The following CTNNAL1 variants were observed in gnomAD, a reference collection of about 807,000 sequenced individuals.
The protein encoded by CTNNAL1 is catenin alpha like 1.
Under a neutral mutation model 93.6 loss-of-function variants are expected in CTNNAL1, and 69 were observed. The ratio of observed to expected loss-of-function variants is 0.74; its 90% CI spans 0.61 to 0.90. The LOEUF is 0.90. Ranked by LOEUF, CTNNAL1 falls within the 40% of genes least tolerant of loss-of-function variation. The pLI, the probability that CTNNAL1 is intolerant of heterozygous loss-of-function variation, is 0.00. For missense variants in CTNNAL1, 836 were observed against 862.0 expected (o/e 0.97, Z 0.38); for synonymous variants, 286 against 305.4 (o/e 0.94, Z 0.66).
chr9:108,976,364 T>G (rs1182620588), intron 8 of CTNNAL1, among the ~76,000 whole-genome samples: 2 of 152,186 alleles, frequency 1.3e-5, no homozygotes. Flanking sequence ...GAATAGTATT[T>G]GGTAGAATTA....
chr9:109,000,443 A>G (rs1826761764), intron 1 of CTNNAL1, among the ~76,000 whole-genome samples: 1 of 152,216 alleles, frequency 6.6e-6, no homozygotes, highest in Admixed American at 6.5e-5. Flanking sequence ...CCACGTTCCC[A>G]TGGGGCTTAC....
chr9:108,999,687 G>A (rs1218241442), intron 1 of CTNNAL1, among the ~76,000 whole-genome samples: 3 of 152,164 alleles, frequency 2.0e-5, no homozygotes, highest in African/African-American at 7.2e-5. Context: ...CTACCATGGA[G>A]CACAGGCTGT....
At chr9:108,990,507 G>A (rs1831758317) in intron 4 of CTNNAL1, among the ~76,000 whole-genome samples, 1 of 152,174 alleles carries the variant, frequency 6.6e-6, no homozygotes, top group African/African-American at 2.4e-5. Flanking sequence ...ACCTTTCCCA[G>A]TGTGTGAGGT....
At chr9:109,011,700 C>T (rs1168102730) in intron 1 of CTNNAL1, among the ~76,000 whole-genome samples, 1 of 152,208 alleles carries the variant, frequency 6.6e-6, no homozygotes, top group Non-Finnish European at 1.5e-5. Flanking sequence ...ATTCAAATCC[C>T]AGTTTGGCAC....
chr9:108,976,858 T>C lies in CTNNAL1; in HGVS notation c.1188+104A>G. 7 of 486,334 alleles carry C rather than the reference T, an allele frequency of 1.4e-5. No homozygotes were observed. In the Admixed American group the frequency reaches 2.6e-4, roughly 18 times the overall value. The allele number at this position is 486,334 out of a possible 1,614,324, so 30.1% of individuals were successfully genotyped here. A position where few individuals can be genotyped will look rare whatever the true frequency, so the allele number is the denominator to read the frequency against. On this transcript the variant is annotated intron_variant, in intron 8 of 18. Transcript: ENST00000325551. The stretch of plus-strand genomic sequence containing the variant: ...TCAAAGGAAAACTTTTAAAACCATT[T>C]TCTAGGCACAGAGACATACTAATAA...
Position 108,972,704 on chromosome 9 carries a change from G to A in CTNNAL1, c.1318C>T (p.Leu440Phe), listed in dbSNP as rs774331268. Reference protein sequence around the residue: ...LEALAEYACKLSEQKEQLVET... With the variant: ...LEALAEYACKFSEQKEQLVET... ...ACAAGCTGCTCTTTCTGTTCAGAGA[G>A]TTTACAGGCATATTCAGCCAAAGCT... Residue 440 changes from leucine to phenylalanine, a missense_variant, in exon 9 of 19, where the codon CTC becomes TTC. Coordinates refer to ENST00000325551, the MANE Select transcript of CTNNAL1 (RefSeq NM_003798.4). 1.9e-6 allele frequency: 3 copies of A among 1,613,722 alleles called. No individual in the cohort carries two copies. The highest frequency in any genetic ancestry group is 1.7e-6 in the Non-Finnish European group (2 of 1,179,960).
intron 2 of CTNNAL1, among the ~76,000 whole-genome samples, chr9:108,993,659 G>A (rs566070095): frequency 1.3e-5 from 2 of 152,262 alleles, no homozygotes; most frequent in South Asian, 4.1e-4. Flanking sequence ...AAGTATTCTT[G>A]TATTATAATA....
At chr9:108,995,762 T>C (rs1831993247) in intron 2 of CTNNAL1, among the ~76,000 whole-genome samples, 1 of 152,170 alleles carries the variant, frequency 6.6e-6, no homozygotes, top group Admixed American at 6.5e-5. Context: ...ATTATAATAA[T>C]AACAACTAAT....
At chr9:109,009,112 T>C (rs1347003071) in intron 1 of CTNNAL1, among the ~76,000 whole-genome samples, 1 of 151,946 alleles carries the variant, frequency 6.6e-6, no homozygotes, top group Non-Finnish European at 1.5e-5. Context: ...CCCAGGCTGG[T>C]CTCAAAATCC....
In CTNNAL1 at chr9:108,983,271, T is replaced by C; in HGVS notation, c.774A>G (p.Lys258=). The C allele has an allele frequency of 6.3e-7, 1 of 1,579,988 alleles. No homozygotes were observed. The highest frequency in any genetic ancestry group is 2.3e-5 in the East Asian group (1 of 42,732). The change falls in exon 6 of 19, where the codon AAA becomes AAG. Residue 258 remains lysine (K), a synonymous_variant. Transcript: ENST00000325551. ...CTTTCATACGGTCAAATACTCCTTC[T>C]TTGTTTTTATGGGCTGATTCGCAGT... ...HPNCESAHKN[K]EGVFDRMKVA...
intron 1 of CTNNAL1, among the ~76,000 whole-genome samples, chr9:109,006,708 A>C (rs1429986039): frequency 6.6e-6 from 1 of 152,142 alleles, no homozygotes; most frequent in African/African-American, 2.4e-5. Context: ...GTACTAAAGA[A>C]CTCTGCTGTG....
chr9:108,972,864 G>GGGGGGGGCCCCT, intron 8 of CTNNAL1, 31 bp from the exon 9 acceptor site: 2 of 142,590 alleles, frequency 1.4e-5, no homozygotes, highest in Non-Finnish European at 2.0e-5. Context: ...GGGGGGGTGG[G>GGGGGGGGCCCCT]AGGGTGGAGA....
intron 1 of CTNNAL1, 118 bp downstream of exon 1, chr9:109,013,184 G>C: frequency 7.9e-7 from 1 of 1,258,466 alleles, no homozygotes; most frequent in Non-Finnish European, 1.0e-6. Context: ...CAAGAACGCC[G>C]CAGTGCCGGC....
chr9:109,002,716 C>T (rs1325631900), intron 1 of CTNNAL1, among the ~76,000 whole-genome samples: 1 of 152,008 alleles, frequency 6.6e-6, no homozygotes, highest in African/African-American at 2.4e-5. Context: ...TGCATGGTGG[C>T]TTACGCCTAT....
rs1830671285 is a variant in CTNNAL1, at chr9:108,955,705, T to C, written c.1629+85A>G. ...TTTCTGTCATGTCAATTATTTGTGG[T>C]AGAGGGGAGCAGCAACAGGCAACAA... is the stretch of plus-strand genomic sequence containing the variant. On this transcript the variant is annotated intron_variant, in intron 12 of 18. Transcript: ENST00000325551. The C allele has an allele frequency of 2.6e-6, 3 of 1,157,058 alleles. No individual in the cohort carries two copies. In the African/African-American group the frequency reaches 4.7e-5, roughly 18 times the overall value. 71.7% of individuals were successfully genotyped at this position (1,157,058 alleles called of 1,614,324 possible). A position where few individuals can be genotyped will look rare whatever the true frequency, so the allele number is the denominator to read the frequency against.
chr9:109,004,373 A>C (rs1826948736), intron 1 of CTNNAL1, among the ~76,000 whole-genome samples: 1 of 152,244 alleles, frequency 6.6e-6, no homozygotes, highest in Admixed American at 6.5e-5. Context: ...CCTATTTTAC[A>C]AATGAGGAAG....
At position 108,982,732 on chromosome 9, in the gene CTNNAL1, C is replaced by G. The variant is rs28361132; in HGVS notation, c.900+413G>C. ...ACATTTGCTTTTGTGAAGCACTGTT[C>G]TAAAACATTACACAAAAATATGGAT... is the stretch of plus-strand genomic sequence containing the variant. On this transcript the variant is annotated intron_variant, in intron 6 of 18. Coordinates refer to ENST00000325551, the MANE Select transcript of CTNNAL1 (RefSeq NM_003798.4). Among the ~76,000 whole-genome samples the G allele has an allele frequency of 2.4e-3, 371 of 152,270 alleles. 8 individuals carry two copies. Among genetic ancestry groups the G allele is most frequent in the Admixed American group, 0.021 (324 of 15,290 alleles).
In CTNNAL1 at chr9:108,972,709, C is replaced by T; in HGVS notation, c.1313G>A (p.Cys438Tyr). The T allele has an allele frequency of 6.2e-7, 1 of 1,613,918 alleles. No homozygotes were observed. The highest frequency in any genetic ancestry group is 1.3e-5 in the African/African-American group (1 of 75,024). ...CTGCTCTTTCTGTTCAGAGAGTTTA[C>T]AGGCATATTCAGCCAAAGCTTCTAA... ...GNLEALAEYA[C>Y]KLSEQKEQLV... The change falls in exon 9 of 19, where the codon TGT becomes TAT. Residue 438 changes from cysteine to tyrosine, a missense_variant. By Grantham distance (194) the Cys-to-Tyr change is radical. Coordinates refer to ENST00000325551, the MANE Select transcript of CTNNAL1 (RefSeq NM_003798.4).
chr9:108,953,303 G>A (rs569419439), intron 12 of CTNNAL1, among the ~76,000 whole-genome samples: 1 of 152,112 alleles, frequency 6.6e-6, no homozygotes, highest in Admixed American at 6.5e-5. Flanking sequence ...AATATATTCC[G>A]AAGTTCTCTG....
Sources: allele counts gnomAD v4.1 joint callset (sites outside exome capture counted in the v4.1 genomes callset), GRCh38; gene constraint gnomAD v4.1.1; transcripts MANE v1.5; gene names NCBI Gene and HGNC (gene_info 2026-07-23, HGNC 2026-07-21).